The following XKR3 variants were observed in gnomAD, a reference collection of about 807,000 sequenced individuals.
The protein encoded by XKR3 is XK related 3, also known as XK-related protein 3.
XKR3 carries 27 observed loss-of-function variants against 40.3 expected under a neutral mutation model. That is an observed-to-expected ratio of 0.67 (90% confidence interval 0.49 to 0.92). XKR3 has a LOEUF of 0.92. XKR3 is among the 40% of genes least tolerant of loss of function. The pLI is 0.00. For synonymous variants in XKR3, 193 were observed against 195.4 expected (o/e 0.99, Z 0.10); for missense variants, 472 against 537.6 (o/e 0.88, Z 1.21).
At position 16,793,482 on chromosome 22, in the gene XKR3, T is replaced by C. The variant is rs1036982895; in HGVS notation, c.589+6289A>G. On this transcript the variant is annotated intron_variant, in intron 3 of 3. Coordinates refer to ENST00000684488, the MANE Select transcript of XKR3 (RefSeq NM_001386955.1). ...AACTGACATTGGTTCAGTGTGTGTG[T>C]TGGGGGTTCTACTTCATGTTATTTA... Among the ~76,000 whole-genome samples, 527 of 152,344 alleles carry C rather than the reference T, an allele frequency of 3.5e-3. 1 individual carries two copies. The highest frequency in any genetic ancestry group is 0.012 in the African/African-American group (496 of 41,576).
At chr22:16,813,278 T>C (rs1459720482) in intron 1 of XKR3, among the ~76,000 whole-genome samples, 3 of 151,228 alleles carry the variant, frequency 2.0e-5, no homozygotes, top group South Asian at 2.1e-4. Flanking sequence ...AGGAAGACTC[T>C]GGCTCAAAAA....
intron 1 of XKR3, among the ~76,000 whole-genome samples, chr22:16,818,605 C>G (rs1364602306): frequency 2.6e-5 from 4 of 152,114 alleles, no homozygotes; most frequent in Non-Finnish European, 5.9e-5. Flanking sequence ...AAAAAAACTA[C>G]TACTTCAGTT....
At chr22:16,805,581 G>T (rs550387078) in intron 2 of XKR3, among the ~76,000 whole-genome samples, 2 of 152,150 alleles carry the variant, frequency 1.3e-5, no homozygotes, top group Non-Finnish European at 2.9e-5. Context: ...ATATTTGGCA[G>T]AAACAATCAA....
chr22:16,783,953 C>T lies in XKR3; in HGVS notation c.1046G>A (p.Ser349Asn), dbSNP rs542423315. 39 of 1,614,192 alleles carry T rather than the reference C, an allele frequency of 2.4e-5. No individual in the cohort carries two copies. The African/African-American group carries it at 4.8e-4, about 20-fold the overall frequency. ...TATCACATTTTCTAAAAACTGAAAG[C>T]TGTAGTGTAGGATTCTATGGCCCCA... The part of the protein sequence containing the change: ...QRWGHRILHY[S>N]FQFLENVIMI... Residue 349 changes from serine (S) to asparagine (N), a missense_variant, in exon 4 of 4, where the codon AGC becomes AAC. Coordinates refer to ENST00000684488, the MANE Select transcript of XKR3 (RefSeq NM_001386955.1).
chr22:16,804,705 G>A (rs1347852975), intron 2 of XKR3, among the ~76,000 whole-genome samples: 1 of 152,118 alleles, frequency 6.6e-6, no homozygotes, highest in Non-Finnish European at 1.5e-5. Flanking sequence ...TCACCCAGTT[G>A]TCAACCAGAA....
chr22:16,785,988 A>G (rs1601838116), intron 3 of XKR3, among the ~76,000 whole-genome samples: 1 of 152,230 alleles, frequency 6.6e-6, no homozygotes. Flanking sequence ...CACCATTTAG[A>G]AAATGAATAT....
At chr22:16,808,797 T>C (rs1383506509) in intron 1 of XKR3, among the ~76,000 whole-genome samples, 1 of 152,144 alleles carries the variant, frequency 6.6e-6, no homozygotes, top group Non-Finnish European at 1.5e-5. Flanking sequence ...AATTAGTCAC[T>C]ATGTGTGGGA....
chr22:16,797,287 A>G (rs896849515), intron 3 of XKR3, among the ~76,000 whole-genome samples: 6 of 152,220 alleles, frequency 3.9e-5, no homozygotes, highest in Admixed American at 3.9e-4. Context: ...AAGTCCCCAA[A>G]TGCAATTTTG....
intron 1 of XKR3, among the ~76,000 whole-genome samples, chr22:16,818,846 C>T (rs1196175761): frequency 6.6e-6 from 1 of 152,078 alleles, no homozygotes; most frequent in African/African-American, 2.4e-5. Flanking sequence ...GAGATGATTG[C>T]ACTGTGCTTC....
chr22:16,801,079 G>A (rs556617136), intron 2 of XKR3, among the ~76,000 whole-genome samples: 17 of 152,134 alleles, frequency 1.1e-4, no homozygotes, highest in Non-Finnish European at 2.4e-4. Flanking sequence ...GGGCATTTAA[G>A]AAAAGAGTGA....
chr22:16,807,154 A>C (rs2060192808), intron 2 of XKR3, among the ~76,000 whole-genome samples: 1 of 152,216 alleles, frequency 6.6e-6, no homozygotes, highest in Non-Finnish European at 1.5e-5. Context: ...AGTAACTAAG[A>C]ATTTAGAACT....
intron 1 of XKR3, among the ~76,000 whole-genome samples, chr22:16,811,748 C>A (rs1279119773): frequency 6.6e-6 from 1 of 152,106 alleles, no homozygotes; most frequent in African/African-American, 2.4e-5. Flanking sequence ...GTGGCTCACG[C>A]CTGAAATCCC....
chr22:16,824,251 TG>T lies in XKR3; in HGVS notation c.-11+1039del, dbSNP rs368343109. Among the ~76,000 whole-genome samples the T allele has an allele frequency of 1.2e-4, 18 of 152,266 alleles. No homozygotes were observed. The East Asian group carries it at 3.1e-3, about 26-fold the overall frequency. On this transcript the variant is annotated intron_variant, in intron 1 of 3. Coordinates refer to ENST00000684488, the MANE Select transcript of XKR3 (RefSeq NM_001386955.1). ...CATTTCCACCTACGAGGAACGGGCA[TG>T]TAAGAAAATACGGGAATCATGTGCA...
chr22:16,809,971 C>T (rs1267095549), intron 1 of XKR3, among the ~76,000 whole-genome samples: 1 of 152,170 alleles, frequency 6.6e-6, no homozygotes, highest in Non-Finnish European at 1.5e-5. Context: ...AGGCTGGTCT[C>T]GAGCTCCTGG....
intron 2 of XKR3, among the ~76,000 whole-genome samples, chr22:16,806,474 T>TG (rs1555897344): frequency 2.7e-5 from 4 of 150,284 alleles, no homozygotes; most frequent in South Asian, 2.1e-4. Flanking sequence ...TTAAGGTTTT[T>TG]TTTTTTTTTT....
chr22:16,785,424 A>C (rs2060086254), intron 3 of XKR3, among the ~76,000 whole-genome samples: 1 of 152,244 alleles, frequency 6.6e-6, no homozygotes, highest in South Asian at 2.1e-4. Flanking sequence ...TTTAATTTCA[A>C]CATTGTTCTC....
chr22:16,822,584 C>A (rs1200941594), intron 1 of XKR3, among the ~76,000 whole-genome samples: 1 of 151,992 alleles, frequency 6.6e-6, no homozygotes, highest in Non-Finnish European at 1.5e-5. Flanking sequence ...CCATACTTGA[C>A]ATAAAGACAC....
At chr22:16,803,802 G>C (rs865860466) in intron 2 of XKR3, among the ~76,000 whole-genome samples, 22 of 152,196 alleles carry the variant, frequency 1.4e-4, no homozygotes, top group South Asian at 2.1e-4. Flanking sequence ...CCCTTGTTTA[G>C]CATACCATCA....
chr22:16,807,636 A>G, intron 2 of XKR3, 103 bp downstream of exon 2: 2 of 1,092,272 alleles, frequency 1.8e-6, no homozygotes, highest in Non-Finnish European at 2.6e-6. Context: ...AAATATTTCA[A>G]TTCCGTAAAC....
Sources: gnomAD v4.1 joint callset for allele counts (sites outside exome capture counted in the v4.1 genomes callset) on GRCh38, gnomAD v4.1.1 for gene constraint, MANE v1.5 for transcripts, NCBI Gene and HGNC (gene_info 2026-07-23, HGNC 2026-07-21) for gene names.